SRGAP2: variants seen among roughly 807,000 people sequenced by gnomAD.
SRGAP2 encodes the protein SLIT-ROBO Rho GTPase-activating protein 2.
In SRGAP2, 15 loss-of-function variants were observed where a neutral mutation model predicts 57.2. The observed-to-expected ratio is 0.26, with a 90% CI of 0.18 to 0.40. SRGAP2 has a LOEUF of 0.40. SRGAP2 is among the 10% of genes least tolerant of loss of function. The pLI is 1.00. For missense variants in SRGAP2, 520 were observed against 669.6 expected (o/e 0.78, Z 2.47); for synonymous variants, 249 against 248.0 (o/e 1.00, Z -0.04).
chr1:206,425,232 T>G (rs1660692555), intron 13 of SRGAP2, among the ~76,000 whole-genome samples: 1 of 152,230 alleles, frequency 6.6e-6, no homozygotes, highest in Non-Finnish European at 1.5e-5. Context: ...TGCTACTATT[T>G]TTTAATAATT....
At chr1:206,277,751 C>G (rs1328985793) in intron 2 of SRGAP2, among the ~76,000 whole-genome samples, 1 of 152,208 alleles carries the variant, frequency 6.6e-6, no homozygotes, top group Non-Finnish European at 1.5e-5. Context: ...GGACAGATCA[C>G]TTGAGGTCAG....
chr1:206,464,199 A>G lies in SRGAP2; in HGVS notation c.*2779A>G, dbSNP rs1487890862. 6.6e-6 allele frequency: 1 copy of G among 152,642 alleles called. No homozygotes were observed. Among genetic ancestry groups the G allele is most frequent in the South Asian group, 2.1e-4 (1 of 4,834 alleles). The allele number at this position is 152,642 out of a possible 1,614,324, so 9.5% of individuals were successfully genotyped here. A position where few individuals can be genotyped will look rare whatever the true frequency, so the allele number is the denominator to read the frequency against. The stretch of plus-strand genomic sequence containing the variant: ...CAGAGCACTGGAAGGGCTGGTGCAG[A>G]TCTACTTCCCATGCAGAAGAGAAGT... On this transcript the variant is annotated 3_prime_UTR_variant, in exon 23 of 23. Transcript: ENST00000573034.
intron 4 of SRGAP2, among the ~76,000 whole-genome samples, chr1:206,380,881 C>G (rs1184961190): frequency 1.5e-5 from 2 of 131,102 alleles, no homozygotes; most frequent in African/African-American, 5.9e-5. Flanking sequence ...CGCTTTCCCC[C>G]AAAGGCACAC....
At chr1:206,254,584 G>C (rs1371064365) in intron 2 of SRGAP2, among the ~76,000 whole-genome samples, 34 of 149,394 alleles carry the variant, frequency 2.3e-4, no homozygotes, top group Non-Finnish European at 4.9e-4. Context: ...GCCTTTTGAC[G>C]TGATCCTGTT....
chr1:206,220,493 G>A (rs1444704394), intron 2 of SRGAP2, among the ~76,000 whole-genome samples: 1 of 152,092 alleles, frequency 6.6e-6, no homozygotes, highest in Non-Finnish European at 1.5e-5. Context: ...TCTTGACAGA[G>A]TATTTAAATA....
intron 7 of SRGAP2, among the ~76,000 whole-genome samples, chr1:206,394,366 A>T (rs1313424647): frequency 6.6e-6 from 1 of 152,200 alleles, no homozygotes; most frequent in Non-Finnish European, 1.5e-5. Context: ...CGACCTAGGA[A>T]ATACTTTATT....
chr1:206,361,134 GAGA>G (rs1676880364), intron 4 of SRGAP2, among the ~76,000 whole-genome samples: 1 of 96,774 alleles, frequency 1.0e-5, no homozygotes. Flanking sequence ...GGACTTAAGA[GAGA>G]AGAAGACTCA....
At chr1:206,437,176 T>C (rs1661838895) in intron 15 of SRGAP2, 134 bp downstream of exon 15, 1 of 671,422 alleles carries the variant, frequency 1.5e-6, no homozygotes, top group African/African-American at 1.8e-5. Context: ...GTACCTGCTG[T>C]CTTGTACACA....
At position 206,463,442 on chromosome 1, in the gene SRGAP2, T is replaced by A. The variant is rs563661249; in HGVS notation, c.*2022T>A. On this transcript the variant is annotated 3_prime_UTR_variant, in exon 23 of 23. Coordinates refer to ENST00000573034, the MANE Select transcript of SRGAP2 (RefSeq NM_015326.5). Reference sequence around the variant, plus strand: ...GAAAATGAAACCCTATCTTTCACTTTACATTCCTTTCAATCCAACTGATCA... The same window carrying A: ...GAAAATGAAACCCTATCTTTCACTTAACATTCCTTTCAATCCAACTGATCA... The A allele has an allele frequency of 6.5e-6, 1 of 152,748 alleles. No homozygotes were observed. Among genetic ancestry groups the A allele is most frequent in the East Asian group, 1.9e-4 (1 of 5,184 alleles). The allele number at this position is 152,748 out of a possible 1,614,324, so 9.5% of individuals were successfully genotyped here.
Position 206,334,361 on chromosome 1 carries a change from A to G in SRGAP2, c.261-8485A>G, listed in dbSNP as rs1329821342. ...GGCAAGATAAATATCCAAATAACAC[A>G]TGAGAACTGATAATGACACATGCAG... On this transcript the variant is annotated intron_variant, in intron 3 of 22. Coordinates refer to ENST00000573034, the MANE Select transcript of SRGAP2 (RefSeq NM_015326.5). 2.6e-4 allele frequency among the ~76,000 whole-genome samples: 39 copies of G among 151,160 alleles called. 1 individual carries two copies. Among genetic ancestry groups the G allele is most frequent in the African/African-American group, 2.4e-4 (10 of 41,042 alleles).
chr1:206,428,850 G>A (rs1474732479), intron 13 of SRGAP2, among the ~76,000 whole-genome samples: 1 of 152,046 alleles, frequency 6.6e-6, no homozygotes, highest in African/African-American at 2.4e-5. Flanking sequence ...GACAGAGTCT[G>A]TTGCCCAGGC....
intron 2 of SRGAP2, among the ~76,000 whole-genome samples, chr1:206,289,202 C>T (rs1671171517): frequency 1.4e-5 from 2 of 141,436 alleles, no homozygotes; most frequent in South Asian, 2.3e-4. Context: ...TTCCCACTCT[C>T]CTCCATTACT....
At chr1:206,419,327 C>T (rs2103238174) in intron 11 of SRGAP2, 46 bp from the exon 12 acceptor site, 2 of 780,160 alleles carry the variant, frequency 2.6e-6, no homozygotes, top group Non-Finnish European at 4.8e-6. Context: ...CCTCCTTCAC[C>T]TCTTCTCCTT....
Position 206,436,664 on chromosome 1 carries a change from C to G in SRGAP2, c.1556-301C>G, listed in dbSNP as rs181276383. ...ATGATTTAAAAAAGTACCAATGGGT[C>G]ACTTCTTTGCTTTACAGATGGGAAA... On this transcript the variant is annotated intron_variant, in intron 14 of 22. Transcript: ENST00000573034. Among the ~76,000 whole-genome samples the G allele has an allele frequency of 1.8e-3, 276 of 152,290 alleles. 1 individual carries two copies. The highest frequency in any genetic ancestry group is 6.1e-3 in the African/African-American group (255 of 41,560).
intron 2 of SRGAP2, among the ~76,000 whole-genome samples, chr1:206,231,590 TG>T (rs1667643180): frequency 6.7e-6 from 1 of 150,334 alleles, no homozygotes; most frequent in Non-Finnish European, 1.5e-5. Flanking sequence ...CAGGCTGGAG[TG>T]CAATGGCGTG....
intron 13 of SRGAP2, among the ~76,000 whole-genome samples, chr1:206,428,232 C>T (rs1553367027): frequency 6.6e-6 from 1 of 151,874 alleles, no homozygotes; most frequent in African/African-American, 2.4e-5. Context: ...CTGGCTAACA[C>T]AATGAAACCC....
chr1:206,416,070 T>A (rs1329262659), intron 11 of SRGAP2, 97 bp downstream of exon 11: 1 of 645,032 alleles, frequency 1.6e-6, no homozygotes, highest in East Asian at 2.7e-5. Context: ...GTGGACCCGA[T>A]CTTGTTGTAT....
chr1:206,420,157 ATTATATCAACCAC>A (rs1660171120), intron 12 of SRGAP2, among the ~76,000 whole-genome samples: 1 of 152,256 alleles, frequency 6.6e-6, no homozygotes, highest in Non-Finnish European at 1.5e-5. Flanking sequence ...GGGTTAGCCC[ATTATATCAACCAC>A]TTATATCTGC....
intron 10 of SRGAP2, among the ~76,000 whole-genome samples, chr1:206,411,009 C>A (rs538882525): frequency 6.6e-6 from 1 of 152,202 alleles, no homozygotes; most frequent in African/African-American, 2.4e-5. Flanking sequence ...TGCAGGCACA[C>A]GCCACCACGC....
Sources: allele counts gnomAD v4.1 joint callset (sites outside exome capture counted in the v4.1 genomes callset), GRCh38; gene constraint gnomAD v4.1.1; transcripts MANE v1.5; gene names NCBI Gene and HGNC (gene_info 2026-07-23, HGNC 2026-07-21).